NCKAP1: variants seen among roughly 807,000 people sequenced by gnomAD.
NCKAP1 encodes the protein NCK associated protein 1.
A neutral mutation model predicts 151.2 loss-of-function variants in NCKAP1; 21 were observed. The observed-to-expected ratio is 0.14, with a 90% CI of 0.10 to 0.20. NCKAP1 has a LOEUF of 0.20. Among genes scored for constraint, NCKAP1 ranks in the 10% least tolerant of loss-of-function variants. The pLI is 1.00. For synonymous variants in NCKAP1, 484 were observed against 451.8 expected, an observed-to-expected ratio of 1.07 and a Z score of -0.90; for missense variants, 933 against 1,352.1, an observed-to-expected ratio of 0.69 and a Z score of 4.86.
At chr2:183,025,044 A>T (rs1247888403) in intron 1 of NCKAP1, 1 of 1,569,820 alleles carries the variant, frequency 6.4e-7, no homozygotes, top group Admixed American at 1.7e-5. Flanking sequence ...GTAAACAATG[A>T]TTGTCAAACT....
At chr2:183,032,807 C>T (rs1262322755) in intron 1 of NCKAP1, among the ~76,000 whole-genome samples, 2 of 152,106 alleles carry the variant, frequency 1.3e-5, no homozygotes, top group Admixed American at 1.3e-4. Context: ...AGTACTTTGG[C>T]AGGCTGAAGC....
chr2:182,918,967 C>A lies in NCKAP1; in HGVS notation c.*6735G>T, dbSNP rs1246432759. 4 of 152,192 alleles carry A rather than the reference C, an allele frequency of 2.6e-5. No homozygotes were observed. The highest frequency in any genetic ancestry group is 9.7e-5 in the African/African-American group (4 of 41,440). The allele number at this position is 152,192 out of a possible 1,614,324, so 9.4% of individuals were successfully genotyped here. A position where few individuals can be genotyped will look rare whatever the true frequency, so the allele number is the denominator to read the frequency against. The stretch of plus-strand genomic sequence containing the variant: ...ATTTAAATGTTGGCCTCTGCTACTT[C>A]CTTGTAGTGTGAGTTTGTAAAAATT... On this transcript the variant is annotated 3_prime_UTR_variant, in exon 31 of 31. Coordinates refer to ENST00000361354, the MANE Select transcript of NCKAP1 (RefSeq NM_013436.5).
At chr2:183,028,148 TA>T (rs917152797) in intron 1 of NCKAP1, among the ~76,000 whole-genome samples, 7 of 151,748 alleles carry the variant, frequency 4.6e-5, no homozygotes, top group African/African-American at 1.7e-4. Context: ...GAATACAGTG[TA>T]AAATGATGTC....
intron 29 of NCKAP1, 83 bp downstream of exon 29, chr2:182,928,034 A>G: frequency 3.2e-6 from 3 of 949,646 alleles, no homozygotes; most frequent in Non-Finnish European, 4.7e-6. Context: ...AAAAATAAAG[A>G]GAATTTATTC....
intron 26 of NCKAP1, 132 bp from the exon 27 acceptor site, chr2:182,930,920 A>G (rs558478145): frequency 2.9e-6 from 2 of 678,810 alleles, no homozygotes; most frequent in Non-Finnish European, 2.6e-6. Context: ...AAACTACAGC[A>G]AAACTAAGTA....
At chr2:183,007,322 G>T (rs977521293) in intron 2 of NCKAP1, among the ~76,000 whole-genome samples, 1 of 152,060 alleles carries the variant, frequency 6.6e-6, no homozygotes, top group African/African-American at 2.4e-5. Context: ...AAATAAACAG[G>T]ATAAATATCA....
At chr2:183,020,924 T>G (rs1698786625) in intron 2 of NCKAP1, among the ~76,000 whole-genome samples, 1 of 152,158 alleles carries the variant, frequency 6.6e-6, no homozygotes, top group Non-Finnish European at 1.5e-5. Flanking sequence ...CACAAGACTT[T>G]ATATATGCCC....
chr2:182,964,572 G>T, intron 17 of NCKAP1, 104 bp downstream of exon 17: 1 of 938,774 alleles, frequency 1.1e-6, no homozygotes, highest in East Asian at 2.9e-5. Flanking sequence ...GTATTCGATG[G>T]GAAGCTAAGT....
chr2:183,035,840 A>C (rs1699090997), intron 1 of NCKAP1, among the ~76,000 whole-genome samples: 1 of 152,160 alleles, frequency 6.6e-6, no homozygotes, highest in Non-Finnish European at 1.5e-5. Flanking sequence ...GGAGGGAAGT[A>C]ATTCATTCAT....
In NCKAP1 at chr2:182,934,829, A is replaced by C; in HGVS notation, c.2782T>G (p.Leu928Val). The C allele has an allele frequency of 5.6e-6, 8 of 1,427,802 alleles. No individual in the cohort carries two copies. Among genetic ancestry groups the C allele is most frequent in the Non-Finnish European group, 7.8e-6 (8 of 1,027,526 alleles). The allele number at this position is 1,427,802 out of a possible 1,614,324, so 88.4% of individuals were successfully genotyped here. A position where few individuals can be genotyped will look rare whatever the true frequency, so the allele number is the denominator to read the frequency against. ...ACAAGAAAAGGAATGTGGTAGGATAAGACCTAGGCAGGATAACAAATAAGA... is the reference window on the plus strand; with the variant it reads ...ACAAGAAAAGGAATGTGGTAGGATACGACCTAGGCAGGATAACAAATAAGA... ...SLAQEALRDVLSYHIPFLVSS... is the reference protein window; with the variant it reads ...SLAQEALRDVVSYHIPFLVSS... The change falls in exon 26 of 31, where the codon TTA becomes GTA. Residue 928 changes from leucine to valine, a missense_variant. By Grantham distance (32) the Leu-to-Val change is conservative. This residue lies in a region of NCKAP1 where 326 missense variants were observed against 557.1 expected (regional missense o/e 0.59). Transcript: ENST00000361354.
In NCKAP1 at chr2:182,929,762, GAA is replaced by G. The variant is rs57842206; in HGVS notation, c.2954-865_2954-864del. 3.3e-3 allele frequency among the ~76,000 whole-genome samples: 431 copies of G among 132,114 alleles called. 3 individuals are homozygous for G. Among genetic ancestry groups the G allele is most frequent in the African/African-American group, 9.8e-3 (371 of 37,828 alleles). The allele number at this position is 132,114 out of a possible 152,430, so 86.7% of individuals were successfully genotyped here. A position where few individuals can be genotyped will look rare whatever the true frequency, so the allele number is the denominator to read the frequency against. On this transcript the variant is annotated intron_variant, in intron 27 of 30. Coordinates refer to ENST00000361354, the MANE Select transcript of NCKAP1 (RefSeq NM_013436.5). ...AGGAAACAAAATTGCATTGTTAAAT[GAA>G]AAAAAAAAAAAAACTGATGAACTCA...
intron 15 of NCKAP1, among the ~76,000 whole-genome samples, chr2:182,970,564 T>C (rs968466784): frequency 2.0e-5 from 3 of 152,112 alleles, no homozygotes; most frequent in African/African-American, 7.2e-5. Flanking sequence ...AACATAGCTC[T>C]TAAAAAACTA....
intron 1 of NCKAP1, chr2:183,024,836 G>A: frequency 1.2e-6 from 1 of 800,542 alleles, no homozygotes; most frequent in Non-Finnish European, 1.9e-6. Context: ...TGCCATGTGT[G>A]AGGAAATACA....
At chr2:182,993,100 AAATCTGTGG>A (rs1698200591) in intron 8 of NCKAP1, among the ~76,000 whole-genome samples, 1 of 152,194 alleles carries the variant, frequency 6.6e-6, no homozygotes, top group African/African-American at 2.4e-5. Context: ...ACAGATACCA[AAATCTGTGG>A]ATGCTGAAGT....
At chr2:183,034,942 G>C (rs1699074504) in intron 1 of NCKAP1, among the ~76,000 whole-genome samples, 1 of 152,054 alleles carries the variant, frequency 6.6e-6, no homozygotes, top group African/African-American at 2.4e-5. Flanking sequence ...AGAACTCTCA[G>C]TGACAGAATG....
Position 182,928,779 on chromosome 2 carries a change from T to C in NCKAP1, c.3070+4A>G, listed in dbSNP as rs1361461095. ...TCGCCAAAACAATTTTAAACCACTATTACCTTCTATAGCAGGGCTGTACTG... is the reference window on the plus strand; with the variant it reads ...TCGCCAAAACAATTTTAAACCACTACTACCTTCTATAGCAGGGCTGTACTG... On this transcript the variant is annotated splice_donor_region_variant and intron_variant, in intron 28 of 30. Transcript: ENST00000361354. 2.6e-6 allele frequency: 4 copies of C among 1,563,266 alleles called. No homozygotes were observed. The highest frequency in any genetic ancestry group is 3.5e-6 in the Non-Finnish European group (4 of 1,147,338).
At chr2:182,951,841 G>A (rs1475152145) in intron 23 of NCKAP1, among the ~76,000 whole-genome samples, 1 of 151,918 alleles carries the variant, frequency 6.6e-6, no homozygotes, top group Non-Finnish European at 1.5e-5. Context: ...ATAAATCACC[G>A]TAGCTGTAGG....
chr2:182,971,888 C>T (rs985391490), intron 15 of NCKAP1, among the ~76,000 whole-genome samples: 4 of 152,090 alleles, frequency 2.6e-5, no homozygotes, highest in Non-Finnish European at 2.9e-5. Context: ...AGACCTCTAT[C>T]TCTCATCATA....
At chr2:183,025,192 C>G (rs534052737) in intron 1 of NCKAP1, among the ~76,000 whole-genome samples, 1 of 152,226 alleles carries the variant, frequency 6.6e-6, no homozygotes, top group Admixed American at 6.5e-5. Flanking sequence ...AGAGTTTATA[C>G]TGTTCATATA....
Sources: allele counts gnomAD v4.1 joint callset (sites outside exome capture counted in the v4.1 genomes callset), GRCh38; gene constraint gnomAD v4.1.1; regional missense constraint gnomAD v4.1.1; transcripts MANE v1.5; gene names NCBI Gene and HGNC (gene_info 2026-07-23, HGNC 2026-07-21).